Variants in MGST2 observed in about 807,000 individuals in gnomAD.
The protein encoded by MGST2 is microsomal glutathione S-transferase 2, also known as glutathione peroxidase MGST2.
Under a neutral mutation model 16.6 loss-of-function variants are expected in MGST2, and 9 were observed. The observed-to-expected ratio is 0.54, with a 90% CI of 0.33 to 0.95. MGST2 has a LOEUF of 0.95. Ranked by LOEUF, MGST2 falls within the 40% of genes least tolerant of loss-of-function variation. The pLI is 0.03. For missense variants in MGST2, 159 were observed against 175.1 expected (o/e 0.91, Z 0.52); for synonymous variants, 79 against 68.0 (o/e 1.16, Z -0.79).
chr4:139,668,466 ATTTC>A (rs1361484004), intron 1 of MGST2, among the ~76,000 whole-genome samples: 1 of 152,158 alleles, frequency 6.6e-6, no homozygotes, highest in Non-Finnish European at 1.5e-5. Flanking sequence ...AAATACTTCA[ATTTC>A]TTTCAAGGCC....
chr4:139,665,921 G>T lies in MGST2; in HGVS notation c.-99G>T, dbSNP rs942920284. The T allele has an allele frequency of 3.9e-5, 48 of 1,223,910 alleles. 1 individual carries two copies. The Admixed American group carries it at 6.7e-4, about 17-fold the overall frequency. 75.8% of individuals were successfully genotyped at this position (1,223,910 alleles called of 1,614,324 possible). A position where few individuals can be genotyped will look rare whatever the true frequency, so the allele number is the denominator to read the frequency against. On this transcript the variant is annotated 5_prime_UTR_variant, in exon 1 of 5. Coordinates refer to ENST00000265498, the MANE Select transcript of MGST2 (RefSeq NM_002413.5). ...TTGAATCAGCCTTTTCCCCCCACCCGGTCCCCAACTTTGTTTACCCGATAA... is the reference window on the plus strand; with the variant it reads ...TTGAATCAGCCTTTTCCCCCCACCCTGTCCCCAACTTTGTTTACCCGATAA...
At chr4:139,720,178 C>T (rs377315754) in intron 5 of MGST2, 22 of 1,613,910 alleles carry the variant, frequency 1.4e-5, no homozygotes, top group East Asian at 4.5e-5. Flanking sequence ...GTCCCATCTC[C>T]GACTGCGCAG....
intron 5 of MGST2, among the ~76,000 whole-genome samples, chr4:139,712,542 T>G (rs1165566879): frequency 6.6e-6 from 1 of 152,216 alleles, no homozygotes; most frequent in Non-Finnish European, 1.5e-5. Flanking sequence ...TTAATTGGCT[T>G]TGATGGAACT....
chr4:139,666,151 A>G lies in MGST2; in HGVS notation c.58+74A>G. 15 of 1,476,686 alleles carry G rather than the reference A, an allele frequency of 1.0e-5. 1 individual carries two copies. The South Asian group carries it at 1.7e-4, about 17-fold the overall frequency. 91.5% of individuals were successfully genotyped at this position (1,476,686 alleles called of 1,614,324 possible). ...GTGTGTGTGACAAGGCTTGCGGGAG[A>G]GAGAGGGAGGGAGGGAGATGGGTCC... On this transcript the variant is annotated intron_variant, in intron 1 of 4. Transcript: ENST00000265498.
chr4:139,722,173 C>T (rs1359662411), intron 5 of MGST2, among the ~76,000 whole-genome samples: 1 of 152,142 alleles, frequency 6.6e-6, no homozygotes, highest in South Asian at 2.1e-4. Context: ...AGGGCAGAAG[C>T]GTTACAATGC....
chr4:139,696,291 G>A (rs530633377), intron 3 of MGST2, among the ~76,000 whole-genome samples: 1 of 152,118 alleles, frequency 6.6e-6, no homozygotes, highest in Non-Finnish European at 1.5e-5. Flanking sequence ...CATTTCTGAC[G>A]TTTTTGCTTT....
In MGST2 at chr4:139,712,309, G is replaced by A. The variant is rs72728787; in HGVS notation, c.*48+8113G>A. On this transcript the variant is annotated intron_variant, in intron 5 of 5. Transcript: ENST00000616265. ...TTAGAGATCACTGGTTAGTTCACAGGAATAAACAGGGTTAGCTTAAATTGC... is the reference window on the plus strand; with the variant it reads ...TTAGAGATCACTGGTTAGTTCACAGAAATAAACAGGGTTAGCTTAAATTGC... Among the ~76,000 whole-genome samples, 1,468 of 152,272 alleles carry A rather than the reference G, an allele frequency of 9.6e-3. 13 individuals carry two copies. The highest frequency in any genetic ancestry group is 0.034 in the Middle Eastern group (10 of 294).
chr4:139,720,063 T>C (rs1487499740), intron 5 of MGST2: 1 of 1,614,088 alleles, frequency 6.2e-7, no homozygotes, highest in Non-Finnish European at 8.5e-7. Context: ...TGGTTATGTG[T>C]GATGCTCATG....
At chr4:139,720,382 C>T (rs1357879625) in intron 5 of MGST2, 1 of 1,435,850 alleles carries the variant, frequency 7.0e-7, no homozygotes, top group South Asian at 1.6e-5. Context: ...TATACTGCAA[C>T]AAGATGTTGG....
At chr4:139,684,720 T>A (rs957525366) in intron 2 of MGST2, among the ~76,000 whole-genome samples, 5 of 152,166 alleles carry the variant, frequency 3.3e-5, no homozygotes, top group African/African-American at 1.2e-4. Flanking sequence ...GATAGGATAA[T>A]AGGCCTGACT....
chr4:139,682,207 G>GA (rs1731277993), intron 2 of MGST2, among the ~76,000 whole-genome samples: 1 of 146,654 alleles, frequency 6.8e-6, no homozygotes, highest in African/African-American at 2.5e-5. Flanking sequence ...AAATGAAAGA[G>GA]AAAATCATAT....
intron 5 of MGST2, among the ~76,000 whole-genome samples, chr4:139,738,541 T>C (rs1373764637): frequency 6.6e-6 from 1 of 152,106 alleles, no homozygotes; most frequent in East Asian, 1.9e-4. Flanking sequence ...CGACACTCTG[T>C]CTCAAACAAA....
chr4:139,734,963 C>T lies in MGST2; in HGVS notation c.*49-5249C>T, dbSNP rs564927856. On this transcript the variant is annotated intron_variant, in intron 5 of 5. Transcript: ENST00000616265. Reference sequence around the variant, plus strand: ...GCAACGCAGAGCAGCTGCCGTTCTTCCCGCGCCCCAGCAGATGGTGGTGTC... The same window carrying T: ...GCAACGCAGAGCAGCTGCCGTTCTTTCCGCGCCCCAGCAGATGGTGGTGTC... Among the ~76,000 whole-genome samples, 8 of 152,352 alleles carry T rather than the reference C, an allele frequency of 5.3e-5. No homozygotes were observed. The Middle Eastern group carries it at 0.01, about 194-fold the overall frequency.
At chr4:139,703,980 A>G (rs375303316) in intron 4 of MGST2, 36 bp from the exon 5 acceptor site, 5 of 1,613,730 alleles carry the variant, frequency 3.1e-6, no homozygotes, top group Non-Finnish European at 4.2e-6. Context: ...ATTACAGTCC[A>G]GTTTGTCACT....
the MGST2 span, among the ~76,000 whole-genome samples, chr4:139,748,581 C>T: frequency 3.3e-5 from 5 of 152,302 alleles, no homozygotes; most frequent in Admixed American, 3.3e-4. Context: ...CAAGAACAGA[C>T]CCTGGCTGGG....
chr4:139,675,720 G>T (rs1033823487), intron 1 of MGST2, among the ~76,000 whole-genome samples: 1 of 152,226 alleles, frequency 6.6e-6, no homozygotes, highest in African/African-American at 2.4e-5. Flanking sequence ...GACTGAGCGC[G>T]CCGGGGAGGA....
intron 5 of MGST2, among the ~76,000 whole-genome samples, chr4:139,712,524 C>T (rs756299558): frequency 4.6e-5 from 7 of 152,182 alleles, no homozygotes; most frequent in Non-Finnish European, 1.0e-4. Context: ...ATTTTTCACA[C>T]AGGCATTTTA....
At chr4:139,704,449 A>T (rs1727438938), downstream of MGST2, among the ~76,000 whole-genome samples, 1 of 152,162 alleles carries the variant, frequency 6.6e-6, no homozygotes, top group East Asian at 1.9e-4. Context: ...GACTACTGAC[A>T]TATCCTGCCA....
downstream of MGST2, among the ~76,000 whole-genome samples, chr4:139,705,051 A>C (rs1727467522): frequency 6.6e-6 from 1 of 152,118 alleles, no homozygotes; most frequent in Non-Finnish European, 1.5e-5. Flanking sequence ...GAAAAGAAAG[A>C]AATTTAATTT....
Sources: gnomAD v4.1 joint callset for allele counts (sites outside exome capture counted in the v4.1 genomes callset) on GRCh38, gnomAD v4.1.1 for gene constraint, MANE v1.5 for transcripts, NCBI Gene and HGNC (gene_info 2026-07-23, HGNC 2026-07-21) for gene names.